The following FHIT variants were observed in gnomAD, a reference collection of about 807,000 sequenced individuals.
The protein encoded by FHIT is fragile histidine triad diadenosine triphosphatase.
Under a neutral mutation model 17.9 loss-of-function variants are expected in FHIT, and 19 were observed. The observed-to-expected ratio is 1.06, with a 90% CI of 0.74 to 1.56. The LOEUF (loss-of-function observed/expected upper bound fraction) is 1.56, where lower values mean the gene tolerates loss of function less well. Ranked by LOEUF, FHIT falls within the 40% of genes most tolerant of loss-of-function variation. The probability of loss-of-function intolerance (pLI) is 0.00; values close to 1 mark genes in which losing one functional copy is unlikely to be tolerated. For synonymous variants in FHIT, 81 were observed against 69.7 expected (o/e 1.16, Z -0.81); for missense variants, 248 against 189.2 (o/e 1.31, Z -1.82).
intron 5 of FHIT, among the ~76,000 whole-genome samples, chr3:60,106,980 G>A (rs6782148): frequency 0.84 from 128,427 of 152,006 alleles, 55,571 homozygotes; most frequent in East Asian, 0.98. Flanking sequence ...CCCATTGTCT[G>A]TATATAATTA....
chr3:60,493,663 A>T (rs1231880949), intron 5 of FHIT, among the ~76,000 whole-genome samples: 4 of 152,192 alleles, frequency 2.6e-5, no homozygotes, highest in African/African-American at 9.7e-5. Flanking sequence ...TAAAGAAAAA[A>T]ATCTCTACTT....
intron 5 of FHIT, among the ~76,000 whole-genome samples, chr3:60,208,063 C>A (rs959418041): frequency 6.6e-6 from 1 of 152,134 alleles, no homozygotes; most frequent in African/African-American, 2.4e-5. Context: ...TTATTAGAAA[C>A]ACTTTACTTA....
At chr3:60,773,999 A>G (rs957261244) in intron 4 of FHIT, among the ~76,000 whole-genome samples, 3 of 152,248 alleles carry the variant, frequency 2.0e-5, no homozygotes, top group Non-Finnish European at 2.9e-5. Context: ...TAAAATTTTC[A>G]GTCTGGATTT....
rs137961434 is a variant in FHIT at position 60,210,965 on chromosome 3, T to G, written c.104-196813A>C. On this transcript the variant is annotated intron_variant, in intron 5 of 9. Transcript: ENST00000492590. The stretch of plus-strand genomic sequence containing the variant: ...TTGCACAAAGCAATTCACTGCAGCA[T>G]TATTTAAAATAACAAGAGATTGAAA... 6.3e-3 allele frequency among the ~76,000 whole-genome samples: 949 copies of G among 151,308 alleles called. 9 individuals are homozygous for G. Among genetic ancestry groups the G allele is most frequent in the African/African-American group, 0.021 (873 of 41,220 alleles).
At chr3:60,596,934 A>G (rs2038290961) in intron 4 of FHIT, among the ~76,000 whole-genome samples, 1 of 152,088 alleles carries the variant, frequency 6.6e-6, no homozygotes, top group Non-Finnish European at 1.5e-5. Context: ...ATTTTAGTGA[A>G]AAAAAATGTG....
chr3:60,673,672 C>T (rs1553694575), intron 4 of FHIT, among the ~76,000 whole-genome samples: 1 of 152,036 alleles, frequency 6.6e-6, no homozygotes, highest in East Asian at 1.9e-4. Context: ...ACACGTTTCC[C>T]AGAATTTAAA....
intron 4 of FHIT, among the ~76,000 whole-genome samples, chr3:60,671,321 G>A (rs1451931044): frequency 6.6e-6 from 1 of 152,080 alleles, no homozygotes; most frequent in African/African-American, 2.4e-5. Flanking sequence ...GACTACTAGT[G>A]TTCTCAAAAC....
intron 2 of FHIT, among the ~76,000 whole-genome samples, chr3:61,141,516 A>T (rs2037079726): frequency 6.6e-6 from 1 of 151,908 alleles, no homozygotes; most frequent in Non-Finnish European, 1.5e-5. Context: ...TGATCCGTTC[A>T]TTTGAAAGTC....
At position 60,927,252 on chromosome 3, in the gene FHIT, C is replaced by T. The variant is rs200361098; in HGVS notation, c.-110-105241G>A. On this transcript the variant is annotated intron_variant, in intron 3 of 9. Transcript: ENST00000492590. ...CTGACCTCCAGTGATCTGCCCGCCT[C>T]GGCCTCCCGAGGTGCCGGGATTGCA... is the stretch of plus-strand genomic sequence containing the variant. Among the ~76,000 whole-genome samples the T allele has an allele frequency of 9.2e-5, 14 of 152,350 alleles. No homozygotes were observed. The East Asian group carries it at 2.7e-3, about 29-fold the overall frequency.
chr3:60,917,901 A>T (rs1414874948), intron 3 of FHIT, among the ~76,000 whole-genome samples: 3 of 152,180 alleles, frequency 2.0e-5, no homozygotes, highest in Non-Finnish European at 4.4e-5. Context: ...CATCCCAACC[A>T]GACAGAAAAA....
intron 4 of FHIT, among the ~76,000 whole-genome samples, chr3:60,704,829 T>A (rs2041333796): frequency 6.6e-6 from 1 of 152,030 alleles, no homozygotes. Flanking sequence ...AACTACTTGA[T>A]TCTCTGGAAA....
chr3:61,076,911 G>C (rs73110385), intron 2 of FHIT, among the ~76,000 whole-genome samples: 6,372 of 152,174 alleles, frequency 0.042, 221 homozygotes, highest in African/African-American at 0.088. Context: ...TTAAAAACAA[G>C]TTTATTATGC....
At chr3:60,493,524 T>C (rs2034155583) in intron 5 of FHIT, among the ~76,000 whole-genome samples, 1 of 152,174 alleles carries the variant, frequency 6.6e-6, no homozygotes, top group Non-Finnish European at 1.5e-5. Context: ...TAAGCTGCAA[T>C]GTCAATTTTA....
At position 60,340,207 on chromosome 3, in the gene FHIT, A is replaced by C. The variant is rs1469017815; in HGVS notation, c.103+196653T>G. 5.3e-5 allele frequency among the ~76,000 whole-genome samples: 8 copies of C among 152,214 alleles called. No homozygotes were observed. In the East Asian group the frequency reaches 1.5e-3, roughly 29 times the overall value. On this transcript the variant is annotated intron_variant, in intron 5 of 9. Transcript: ENST00000492590. ...CAGCCTTAAGTAATTGAAAATCATT[A>C]CTAAAAACTTTAGGAAATAAATTTC...
intron 4 of FHIT, among the ~76,000 whole-genome samples, chr3:60,628,955 T>A (rs1457194658): frequency 2.0e-5 from 2 of 97,984 alleles, no homozygotes; most frequent in East Asian, 4.8e-4. Context: ...TCTCTCAGCT[T>A]GCCTCTCTCA....
intron 4 of FHIT, among the ~76,000 whole-genome samples, chr3:60,709,318 T>C (rs1553704369): frequency 1.3e-5 from 2 of 152,214 alleles, no homozygotes; most frequent in African/African-American, 2.4e-5. Flanking sequence ...GATTCTCCTA[T>C]CTGTTTCTGC....
intron 5 of FHIT, among the ~76,000 whole-genome samples, chr3:60,502,400 C>G (rs17609762): frequency 0.084 from 12,760 of 152,198 alleles, 667 homozygotes; most frequent in East Asian, 0.11. Flanking sequence ...GCACAGCATT[C>G]TCTTTATCTT....
intron 3 of FHIT, among the ~76,000 whole-genome samples, chr3:60,832,687 T>TAA (rs879964941): frequency 2.3e-5 from 3 of 132,932 alleles, no homozygotes; most frequent in African/African-American, 5.4e-5. Context: ...AATCAATTCA[T>TAA]AAAAAAAAAA....
intron 5 of FHIT, among the ~76,000 whole-genome samples, chr3:60,360,906 C>T (rs918975342): frequency 4.6e-5 from 7 of 152,190 alleles, no homozygotes; most frequent in Non-Finnish European, 1.0e-4. Flanking sequence ...CTCTTTATCC[C>T]TGTTTTGTCA....
Sources: gnomAD v4.1 joint callset for allele counts (sites outside exome capture counted in the v4.1 genomes callset) on GRCh38, gnomAD v4.1.1 for gene constraint, MANE v1.5 for transcripts, NCBI Gene and HGNC (gene_info 2026-07-23, HGNC 2026-07-21) for gene names.